The following GABRA5 variants were observed in gnomAD, a reference collection of about 807,000 sequenced individuals.
The protein encoded by GABRA5 is gamma-aminobutyric acid type A receptor subunit alpha5, also known as gamma-aminobutyric acid receptor subunit alpha-5.
GABRA5 carries 18 observed loss-of-function variants against 47.3 expected under a neutral mutation model. The ratio of observed to expected loss-of-function variants is 0.38; its 90% CI spans 0.26 to 0.56. The LOEUF (loss-of-function observed/expected upper bound fraction) is 0.56. GABRA5 is among the 20% of genes least tolerant of loss of function. The probability of loss-of-function intolerance (pLI) is 0.71; values close to 1 mark genes in which losing one functional copy is unlikely to be tolerated. For synonymous variants in GABRA5, 237 were observed against 229.3 expected (o/e 1.03, Z -0.30); for missense variants, 365 against 599.3 (o/e 0.61, Z 4.08).
At chr15:26,930,631 TTATA>T (rs1347684529) in intron 7 of GABRA5, among the ~76,000 whole-genome samples, 1 of 152,124 alleles carries the variant, frequency 6.6e-6, no homozygotes, top group Non-Finnish European at 1.5e-5. Context: ...TCTGGATTGC[TTATA>T]TATTCTCTAA....
chr15:26,928,205 G>A (rs1894005801), intron 7 of GABRA5, among the ~76,000 whole-genome samples: 2 of 152,090 alleles, frequency 1.3e-5, no homozygotes, highest in African/African-American at 4.8e-5. Flanking sequence ...GGAAATGAGG[G>A]GTGAATTTCA....
chr15:26,873,983 G>C (rs1892532472), intron 3 of GABRA5, among the ~76,000 whole-genome samples: 1 of 152,200 alleles, frequency 6.6e-6, no homozygotes, highest in Admixed American at 6.5e-5. Context: ...CTTTATAAAG[G>C]AAACTTTCAG....
chr15:26,922,972 C>T (rs893537803), intron 7 of GABRA5, among the ~76,000 whole-genome samples: 2 of 152,148 alleles, frequency 1.3e-5, no homozygotes, highest in Non-Finnish European at 2.9e-5. Context: ...GCTGTATACT[C>T]ATTTTGCCAG....
intron 8 of GABRA5, 64 bp downstream of exon 8, chr15:26,937,392 G>A (rs2140581598): frequency 6.7e-7 from 1 of 1,497,204 alleles, no homozygotes; most frequent in East Asian, 2.4e-5. Context: ...TGGAGAGCTT[G>A]CTGCTCCCAG....
At chr15:26,927,126 CAG>C (rs1893979393) in intron 7 of GABRA5, among the ~76,000 whole-genome samples, 1 of 150,968 alleles carries the variant, frequency 6.6e-6, no homozygotes, top group African/African-American at 2.4e-5. Context: ...TTTTTTGAGA[CAG>C]AGTCTCACAC....
At chr15:26,872,054 C>A (rs1250970598) in intron 3 of GABRA5, among the ~76,000 whole-genome samples, 4 of 152,156 alleles carry the variant, frequency 2.6e-5, no homozygotes, top group Non-Finnish European at 5.9e-5. Flanking sequence ...GCCAGCAGGG[C>A]ATGTTTTTCA....
Position 26,880,669 on chromosome 15 carries a change from G to C in GABRA5, c.87-177G>C, listed in dbSNP as rs555382952. Reference sequence around the variant, plus strand: ...AGCCCCAAGCAGAGTATCCTTGGATGTTGGAGAACTGAGGTGTATCAAGGC... The same window carrying C: ...AGCCCCAAGCAGAGTATCCTTGGATCTTGGAGAACTGAGGTGTATCAAGGC... On this transcript the variant is annotated intron_variant, in intron 3 of 10. Transcript: ENST00000335625. 1,495 of 532,460 alleles carry C rather than the reference G, an allele frequency of 2.8e-3. 23 individuals carry two copies. Among genetic ancestry groups the C allele is most frequent in the African/African-American group, 0.027 (1,377 of 51,942 alleles). 33.0% of individuals were successfully genotyped at this position (532,460 alleles called of 1,614,324 possible). A position where few individuals can be genotyped will look rare whatever the true frequency, so the allele number is the denominator to read the frequency against.
chr15:26,910,089 G>GACACACACACAC (rs1893543396), intron 6 of GABRA5, among the ~76,000 whole-genome samples: 1 of 144,390 alleles, frequency 6.9e-6, no homozygotes, highest in Non-Finnish European at 1.5e-5. Flanking sequence ...TCTTTTTTTT[G>GACACACACACAC]ACACAAGAAG....
intron 7 of GABRA5, among the ~76,000 whole-genome samples, chr15:26,915,803 C>A (rs1353718802): frequency 6.6e-6 from 1 of 152,130 alleles, no homozygotes; most frequent in Non-Finnish European, 1.5e-5. Context: ...CTGGCTATCC[C>A]ACTCCTCTGC....
chr15:26,885,457 A>C (rs906108513), intron 6 of GABRA5, among the ~76,000 whole-genome samples: 1 of 152,284 alleles, frequency 6.6e-6, no homozygotes, highest in East Asian at 1.9e-4. Context: ...CTTCTCTCAC[A>C]TTTGTTACCT....
In GABRA5 at chr15:26,883,624, C is replaced by A; in HGVS notation, c.497+67C>A. The A allele has an allele frequency of 8.0e-7, 1 of 1,254,584 alleles. No individual in the cohort carries two copies. The highest frequency in any genetic ancestry group is 1.1e-6 in the Non-Finnish European group (1 of 924,592). 77.7% of individuals were successfully genotyped at this position (1,254,584 alleles called of 1,614,324 possible). A position where few individuals can be genotyped will look rare whatever the true frequency, so the allele number is the denominator to read the frequency against. ...GGGGCAGGCGCGGCTGCCCATCCTG[C>A]CGCAAGAGCTGCGCCGCGGAGCTGT... On this transcript the variant is annotated intron_variant, in intron 6 of 10. Transcript: ENST00000335625. This position sits in a 1 kb window ranked among gnomAD's most constrained non-coding sequence, Gnocchi z 4.8.
At chr15:26,930,376 T>G (rs1237410528) in intron 7 of GABRA5, among the ~76,000 whole-genome samples, 1 of 152,186 alleles carries the variant, frequency 6.6e-6, no homozygotes, top group Non-Finnish European at 1.5e-5. Flanking sequence ...CAATAAGCTA[T>G]TAGAGAAACA....
In GABRA5 at chr15:26,883,583, G is replaced by T; in HGVS notation, c.497+26G>T. Reference sequence around the variant, plus strand: ...GTGAGCGCCGGGCGGGGGCGGGCGGGGCCGGGGGACGGTGCGGGGCAGGCG... The same window carrying T: ...GTGAGCGCCGGGCGGGGGCGGGCGGTGCCGGGGGACGGTGCGGGGCAGGCG... On this transcript the variant is annotated intron_variant, in intron 6 of 10. Transcript: ENST00000335625. The surrounding 1 kb of genome is among the most constrained non-coding windows in gnomAD (Gnocchi z 4.8). 6.9e-7 allele frequency: 1 copy of T among 1,457,228 alleles called. No individual in the cohort carries two copies. The highest frequency in any genetic ancestry group is 9.4e-7 in the Non-Finnish European group (1 of 1,066,982). 90.3% of individuals were successfully genotyped at this position (1,457,228 alleles called of 1,614,324 possible). A position where few individuals can be genotyped will look rare whatever the true frequency, so the allele number is the denominator to read the frequency against.
At chr15:26,939,153 A>G (rs949132939) in intron 8 of GABRA5, 15 of 742,146 alleles carry the variant, frequency 2.0e-5, no homozygotes, top group Non-Finnish European at 3.2e-5. Context: ...CATCTCCCCA[A>G]GGTGAGGCAA....
chr15:26,877,308 A>G (rs551553939), intron 3 of GABRA5, among the ~76,000 whole-genome samples: 106 of 152,260 alleles, frequency 7.0e-4, no homozygotes, highest in Non-Finnish European at 1.3e-3. Context: ...TTGTTTTTCT[A>G]ATATGGTGCT....
chr15:26,900,095 T>A (rs1893291452), intron 6 of GABRA5, among the ~76,000 whole-genome samples: 1 of 152,130 alleles, frequency 6.6e-6, no homozygotes, highest in Non-Finnish European at 1.5e-5. Flanking sequence ...AAAATTAACA[T>A]CTAAATTTAT....
chr15:26,879,570 CA>C (rs1227764345), intron 3 of GABRA5, among the ~76,000 whole-genome samples: 6 of 152,276 alleles, frequency 3.9e-5, no homozygotes, highest in African/African-American at 1.4e-4. Context: ...AAACTTAGAT[CA>C]AAAGAGCATT....
In GABRA5 at chr15:26,901,829, A is replaced by G. The variant is rs542411146; in HGVS notation, c.498-12974A>G. 2.9e-4 allele frequency among the ~76,000 whole-genome samples: 44 copies of G among 152,194 alleles called. 1 individual carries two copies. The highest frequency in any genetic ancestry group is 1.1e-3 in the African/African-American group (44 of 41,536). On this transcript the variant is annotated intron_variant, in intron 6 of 10. Coordinates refer to ENST00000335625, the MANE Select transcript of GABRA5 (RefSeq NM_000810.4). ...GATCCATTTTGAGTTAATTCTTGTG[A>G]AGGGTATAAGGTTAGTGTCTAGATT...
chr15:26,939,332 C>T (rs76165449), intron 8 of GABRA5: 2 of 765,298 alleles, frequency 2.6e-6, no homozygotes, highest in Non-Finnish European at 2.4e-6. Context: ...GGCACTGGGG[C>T]ATCGCCAATG....
Sources: allele counts gnomAD v4.1 joint callset (sites outside exome capture counted in the v4.1 genomes callset), GRCh38; gene constraint gnomAD v4.1.1; non-coding constraint Gnocchi (gnomAD v3.1); transcripts MANE v1.5; gene names NCBI Gene and HGNC (gene_info 2026-07-23, HGNC 2026-07-21).